The following MINDY4B variants were observed in gnomAD, a reference collection of about 807,000 sequenced individuals.
The protein encoded by MINDY4B is MINDY family member 4B.
In MINDY4B, 25 loss-of-function variants were observed where a neutral mutation model predicts 16.7. The observed-to-expected ratio is 1.49, with a 90% CI of 1.09 to 2.09. The LOEUF is 2.09. Among genes scored for constraint, MINDY4B ranks in the 30% most tolerant of loss-of-function variants. The pLI is 0.00. For synonymous variants in MINDY4B, 132 were observed against 61.9 expected, an observed-to-expected ratio of 2.13 and a Z score of -5.32; for missense variants, 327 against 168.4, an observed-to-expected ratio of 1.94 and a Z score of -5.21.
At chr3:150,895,839 A>AT (rs1017695718) in intron 3 of MINDY4B, among the ~76,000 whole-genome samples, 39 of 152,064 alleles carry the variant, frequency 2.6e-4, no homozygotes, top group Non-Finnish European at 2.8e-4. Flanking sequence ...CTAGGTGATG[A>AT]TTTTTTTGCA....
chr3:150,878,902 C>T (rs1711501275), intron 10 of MINDY4B, among the ~76,000 whole-genome samples: 1 of 152,166 alleles, frequency 6.6e-6, no homozygotes, highest in Non-Finnish European at 1.5e-5. Context: ...TTGGTCTGAG[C>T]AGACTTGTGT....
intron 3 of MINDY4B, among the ~76,000 whole-genome samples, chr3:150,895,335 A>G (rs1453644694): frequency 6.6e-6 from 1 of 152,160 alleles, no homozygotes; most frequent in East Asian, 1.9e-4. Context: ...TTATCTAATT[A>G]ATACTTCAGG....
chr3:150,872,374 T>C (rs1249625543), intron 11 of MINDY4B, among the ~76,000 whole-genome samples: 1 of 152,236 alleles, frequency 6.6e-6, no homozygotes, highest in Non-Finnish European at 1.5e-5. Flanking sequence ...AATGGAAGAT[T>C]ACTTAATGCC....
chr3:150,883,072 T>C lies in MINDY4B; in HGVS notation c.898-14A>G, dbSNP rs1393782752. The C allele has an allele frequency of 1.5e-6, 1 of 678,752 alleles. No individual in the cohort carries two copies. Among genetic ancestry groups the C allele is most frequent in the Non-Finnish European group, 2.7e-6 (1 of 372,712 alleles). The allele number at this position is 678,752 out of a possible 1,614,324, so 42.0% of individuals were successfully genotyped here. A position where few individuals can be genotyped will look rare whatever the true frequency, so the allele number is the denominator to read the frequency against. On this transcript the variant is annotated splice_polypyrimidine_tract_variant and intron_variant, in intron 9 of 11. Transcript: ENST00000465419. Reference sequence around the variant, plus strand: ...GTTCAGAACTGCCTAGAGAGCATATTTTACAGATACTTATATTTTAGATAG... The same window carrying C: ...GTTCAGAACTGCCTAGAGAGCATATCTTACAGATACTTATATTTTAGATAG...
intron 7 of MINDY4B, among the ~76,000 whole-genome samples, chr3:150,887,499 C>G (rs1485411097): frequency 6.6e-6 from 1 of 152,188 alleles, no homozygotes; most frequent in Non-Finnish European, 1.5e-5. Flanking sequence ...CAAAACTTGT[C>G]TAATGAGGGT....
At chr3:150,871,268 T>C in intron 11 of MINDY4B, 81 bp from the exon 12 acceptor site, 2 of 652,708 alleles carry the variant, frequency 3.1e-6, no homozygotes, top group Non-Finnish European at 5.5e-6. Flanking sequence ...GACAGAAGGG[T>C]GGGTGGGCAG....
chr3:150,879,797 G>C (rs1207136481), intron 10 of MINDY4B, among the ~76,000 whole-genome samples: 2 of 152,146 alleles, frequency 1.3e-5, no homozygotes, highest in Non-Finnish European at 2.9e-5. Flanking sequence ...AAGATCTCCA[G>C]GTGACTTCAA....
intron 7 of MINDY4B, among the ~76,000 whole-genome samples, chr3:150,890,072 A>T (rs542785262): frequency 1.3e-5 from 2 of 152,328 alleles, no homozygotes; most frequent in South Asian, 4.1e-4. Flanking sequence ...CTAATGGATT[A>T]TTCTCTGGTC....
intron 6 of MINDY4B, 151 bp from the exon 7 acceptor site, chr3:150,890,536 T>C: frequency 2.0e-6 from 1 of 490,940 alleles, no homozygotes; most frequent in Non-Finnish European, 3.6e-6. Flanking sequence ...TGCAAGGCCA[T>C]GCAAAACATA....
chr3:150,880,821 C>G (rs1460735968), intron 10 of MINDY4B, among the ~76,000 whole-genome samples: 1 of 152,184 alleles, frequency 6.6e-6, no homozygotes, highest in African/African-American at 2.4e-5. Context: ...TGGCATATTA[C>G]TGGGTTCTTA....
intron 7 of MINDY4B, 103 bp from the exon 8 acceptor site, chr3:150,885,541 C>G: frequency 1.5e-6 from 1 of 665,822 alleles, no homozygotes; most frequent in Admixed American, 2.3e-5. Flanking sequence ...GAATTTTTTC[C>G]CCCTGGCTGC....
intron 7 of MINDY4B, among the ~76,000 whole-genome samples, chr3:150,887,733 T>G (rs915276346): frequency 1.3e-5 from 2 of 152,154 alleles, no homozygotes; most frequent in Non-Finnish European, 1.5e-5. Flanking sequence ...CCATAAAAGA[T>G]TACAGAAAAT....
At chr3:150,904,707 TA>T (rs1712199364) in intron 2 of MINDY4B, among the ~76,000 whole-genome samples, 2 of 152,224 alleles carry the variant, frequency 1.3e-5, no homozygotes. Flanking sequence ...ATAAAGACGA[TA>T]ACTATTTTCA....
intron 3 of MINDY4B, among the ~76,000 whole-genome samples, chr3:150,902,868 A>G (rs1576616652): frequency 6.6e-6 from 1 of 152,170 alleles, no homozygotes; most frequent in African/African-American, 2.4e-5. Flanking sequence ...CTGCATGCAT[A>G]CAGGTGGGGT....
intron 7 of MINDY4B, among the ~76,000 whole-genome samples, chr3:150,889,625 T>C (rs1711714312): frequency 6.6e-6 from 1 of 152,038 alleles, no homozygotes; most frequent in Admixed American, 6.5e-5. Flanking sequence ...CTTGTTTAAC[T>C]CATTCAACAG....
At chr3:150,901,709 T>C (rs955252631) in intron 3 of MINDY4B, among the ~76,000 whole-genome samples, 2 of 151,818 alleles carry the variant, frequency 1.3e-5, no homozygotes, top group African/African-American at 4.8e-5. Context: ...TTAGTAGAGA[T>C]GGGGTTTTGC....
intron 10 of MINDY4B, among the ~76,000 whole-genome samples, chr3:150,879,687 A>G (rs982967291): frequency 3.9e-5 from 6 of 152,198 alleles, no homozygotes; most frequent in African/African-American, 1.4e-4. Flanking sequence ...AGAGCATTAA[A>G]CAAAGTATAG....
chr3:150,871,825 A>G (rs546786291), intron 11 of MINDY4B, among the ~76,000 whole-genome samples: 307 of 152,262 alleles, frequency 2.0e-3, no homozygotes, highest in African/African-American at 6.8e-3. Flanking sequence ...AGCCTGGGCG[A>G]CAGAGTGAGA....
At chr3:150,904,628 T>G (rs1253286275) in intron 2 of MINDY4B, among the ~76,000 whole-genome samples, 3 of 152,200 alleles carry the variant, frequency 2.0e-5, no homozygotes, top group African/African-American at 7.2e-5. Flanking sequence ...AATACCTTTT[T>G]AGCACCAGAA....
Sources: gnomAD v4.1 joint callset for allele counts (sites outside exome capture counted in the v4.1 genomes callset) on GRCh38, gnomAD v4.1.1 for gene constraint, MANE v1.5 for transcripts, NCBI Gene and HGNC (gene_info 2026-07-23, HGNC 2026-07-21) for gene names.